The following PKD1L3 variants were observed in gnomAD, a reference collection of about 807,000 sequenced individuals.
PKD1L3 encodes the protein polycystin-1-like protein 3.
Under a neutral mutation model 184.1 loss-of-function variants are expected in PKD1L3, and 239 were observed. The ratio of observed to expected loss-of-function variants is 1.30; its 90% CI spans 1.17 to 1.45. PKD1L3 has a LOEUF of 1.45. PKD1L3 is among the 40% of genes most tolerant of loss of function. The pLI, the probability that PKD1L3 is intolerant of heterozygous loss-of-function variation, is 0.00. For synonymous variants in PKD1L3, 996 were observed against 778.8 expected, an observed-to-expected ratio of 1.28 and a Z score of -4.64; for missense variants, 2,660 against 2,067.2, an observed-to-expected ratio of 1.29 and a Z score of -5.56.
intron 15 of PKD1L3, among the ~76,000 whole-genome samples, chr16:71,966,176 C>A (rs1418408796): frequency 6.6e-6 from 1 of 152,076 alleles, no homozygotes; most frequent in Non-Finnish European, 1.5e-5. Flanking sequence ...AGTGCCTGAG[C>A]CTTAAGACTT....
chr16:71,939,958 A>G (rs1301930925), intron 24 of PKD1L3, among the ~76,000 whole-genome samples: 1 of 152,196 alleles, frequency 6.6e-6, no homozygotes, highest in Non-Finnish European at 1.5e-5. Context: ...ACATTGACTT[A>G]GCAAGTTCAA....
At chr16:71,968,450 C>A (rs1285593674) in intron 13 of PKD1L3, among the ~76,000 whole-genome samples, 1 of 152,154 alleles carries the variant, frequency 6.6e-6, no homozygotes, top group African/African-American at 2.4e-5. Flanking sequence ...CAACCCTACA[C>A]CCAGGGCAAC....
chr16:71,935,375 G>GACACGA lies in PKD1L3; in HGVS notation c.4595_4596insTCGTGT (p.Arg1533_Asp1534insValArg). The GACACGA allele has an allele frequency of 6.4e-7, 1 of 1,551,604 alleles. No homozygotes were observed. The highest frequency in any genetic ancestry group is 1.2e-5 in the South Asian group (1 of 84,006). On this transcript the variant is annotated inframe_insertion, in exon 26 of 30. Coordinates refer to ENST00000620267, the MANE Select transcript of PKD1L3 (RefSeq NM_181536.2). ...CCTCTCACCTGTCCTGGTCATCGCG[G>GACACGA]TATCGTGCCATGTTTTTCTTATGTA... is the stretch of plus-strand genomic sequence containing the variant.
intron 5 of PKD1L3, among the ~76,000 whole-genome samples, chr16:71,985,170 T>C (rs1476357027): frequency 9.2e-5 from 14 of 152,200 alleles, no homozygotes; most frequent in Non-Finnish European, 1.5e-5. Flanking sequence ...TCCTTTTAGA[T>C]ATTCTGTACT....
At position 71,944,125 on chromosome 16, in the gene PKD1L3, G is replaced by A; in HGVS notation, c.3764C>T (p.Pro1255Leu). The A allele has an allele frequency of 1.3e-6, 2 of 1,551,310 alleles. No homozygotes were observed. Among genetic ancestry groups the A allele is most frequent in the South Asian group, 2.4e-5 (2 of 84,040 alleles). ...SVPGSRDKNN[P>L]VYVAPAINSP... ...ATTTATAGCTGGGGCTACATAGACG[G>A]GGTTGTTCTTATCTCTTGAACCTGG... The change falls in exon 23 of 30, where the codon CCC becomes CTC. Residue 1255 changes from proline to leucine, a missense_variant. Pro to Leu is a moderately conservative substitution (Grantham distance 98, BLOSUM62 -3). Coordinates refer to ENST00000620267, the MANE Select transcript of PKD1L3 (RefSeq NM_181536.2).
chr16:71,996,762 A>T (rs1373740358), intron 2 of PKD1L3, among the ~76,000 whole-genome samples: 1 of 152,030 alleles, frequency 6.6e-6, no homozygotes, highest in African/African-American at 2.4e-5. Context: ...GTGTATCAAT[A>T]GTTTGTTTCT....
intron 24 of PKD1L3, among the ~76,000 whole-genome samples, chr16:71,942,198 G>A (rs767248884): frequency 3.3e-5 from 5 of 152,000 alleles, no homozygotes; most frequent in Admixed American, 6.6e-5. Context: ...CAGGCATGGT[G>A]GCGGGCACCT....
chr16:71,974,731 G>A lies in PKD1L3; in HGVS notation c.1760-1214C>T, dbSNP rs548700968. ...AGTACACCTTTGGAATTGGGAAAGGGCCCGTTGGTAATTTCCACAGATTCT... is the reference window on the plus strand; with the variant it reads ...AGTACACCTTTGGAATTGGGAAAGGACCCGTTGGTAATTTCCACAGATTCT... On this transcript the variant is annotated intron_variant, in intron 11 of 29. Coordinates refer to ENST00000620267, the MANE Select transcript of PKD1L3 (RefSeq NM_181536.2). 9.8e-5 allele frequency among the ~76,000 whole-genome samples: 15 copies of A among 152,292 alleles called. No individual in the cohort carries two copies. In the East Asian group the frequency reaches 1.5e-3, roughly 16 times the overall value.
chr16:71,998,428 C>A (rs1200540810), intron 1 of PKD1L3, 34 bp from the exon 2 acceptor site: 1 of 1,525,338 alleles, frequency 6.6e-7, no homozygotes, highest in Non-Finnish European at 8.8e-7. Flanking sequence ...GAGCCTCATA[C>A]TCGAAAGCCA....
intron 23 of PKD1L3, 99 bp downstream of exon 23, chr16:71,943,930 GC>G (rs2038459616): frequency 7.4e-7 from 1 of 1,350,284 alleles, no homozygotes; most frequent in Admixed American, 2.8e-5. Flanking sequence ...TTAAAAGACA[GC>G]TTTTTAACCC....
chr16:71,944,548 T>A (rs1357592371), intron 22 of PKD1L3, among the ~76,000 whole-genome samples: 1 of 152,086 alleles, frequency 6.6e-6, no homozygotes, highest in East Asian at 1.9e-4. Context: ...CCAGGCATAG[T>A]GGCTCATGCC....
At chr16:71,977,032 C>T (rs535127994) in intron 11 of PKD1L3, among the ~76,000 whole-genome samples, 12 of 152,314 alleles carry the variant, frequency 7.9e-5, no homozygotes, top group South Asian at 2.1e-4. Flanking sequence ...CGCAAGCCAC[C>T]GCGCCCGGCC....
At position 71,937,167 on chromosome 16, in the gene PKD1L3, C is replaced by T. The variant is rs973333036; in HGVS notation, c.4452+125G>A. The T allele has an allele frequency of 4.0e-5, 38 of 958,332 alleles. No individual in the cohort carries two copies. In the African/African-American group the frequency reaches 4.5e-4, roughly 11 times the overall value. The allele number at this position is 958,332 out of a possible 1,614,324, so 59.4% of individuals were successfully genotyped here. On this transcript the variant is annotated intron_variant, in intron 25 of 29. Transcript: ENST00000620267. The stretch of plus-strand genomic sequence containing the variant: ...GCCTCCCAGGCTCAAGCAATTCTCA[C>T]ATCTCAGCCTCCCGAGTAGCTGGGA...
rs531269366 is a variant in PKD1L3 at position 71,943,941 on chromosome 16, C to T, written c.3859+89G>A. ...GATTTTAAAAGACAGCTTTTTAACC[C>T]TTCTTTATTTTCCATTTTATTCTCT... On this transcript the variant is annotated intron_variant, in intron 23 of 29. Coordinates refer to ENST00000620267, the MANE Select transcript of PKD1L3 (RefSeq NM_181536.2). 3.6e-6 allele frequency: 5 copies of T among 1,406,126 alleles called. No homozygotes were observed. In the Admixed American group the frequency reaches 8.1e-5, roughly 23 times the overall value. The allele number at this position is 1,406,126 out of a possible 1,614,324, so 87.1% of individuals were successfully genotyped here.
rs1353312476 is a variant in PKD1L3, at chr16:71,984,047, T to C, written c.955A>G (p.Lys319Glu). ...KLTALTPRFSKPAQVNLINSL... is the reference protein window; with the variant it reads ...KLTALTPRFSEPAQVNLINSL... ...CACCCTCCACTTACCTGAGCTGGCT[T>C]AGAAAATCTTGGGGTTAAGGCTGTT... The change falls in exon 6 of 30, where the codon AAG becomes GAG. Residue 319 changes from lysine (K) to glutamate (E), a missense_variant. Physicochemically the swap from Lys to Glu is moderately conservative, Grantham distance 56. Coordinates refer to ENST00000620267, the MANE Select transcript of PKD1L3 (RefSeq NM_181536.2). 1 of 1,552,080 alleles carries C rather than the reference T, an allele frequency of 6.4e-7. No individual in the cohort carries two copies. Among genetic ancestry groups the C allele is most frequent in the East Asian group, 2.4e-5 (1 of 40,930 alleles).
intron 24 of PKD1L3, among the ~76,000 whole-genome samples, chr16:71,940,785 C>A (rs2038334963): frequency 6.7e-6 from 1 of 149,578 alleles, no homozygotes; most frequent in South Asian, 2.1e-4. Flanking sequence ...CAGGTGTGAG[C>A]TACCATGCCC....
At chr16:71,960,944 T>C (rs1205538035) in intron 16 of PKD1L3, among the ~76,000 whole-genome samples, 3 of 151,950 alleles carry the variant, frequency 2.0e-5, no homozygotes, top group East Asian at 1.9e-4. Flanking sequence ...GGAGGGGAAA[T>C]AGTATTCGCT....
chr16:71,970,752 G>A (rs1390993703), intron 12 of PKD1L3, among the ~76,000 whole-genome samples: 4 of 152,142 alleles, frequency 2.6e-5, no homozygotes, highest in Admixed American at 1.3e-4. Flanking sequence ...AGGTTGCAGT[G>A]AGCCCAGATC....
chr16:71,932,047 C>G (rs973511465), intron 28 of PKD1L3, among the ~76,000 whole-genome samples: 2 of 152,178 alleles, frequency 1.3e-5, no homozygotes, highest in African/African-American at 4.8e-5. Flanking sequence ...CCTGACTCTT[C>G]TACTGTATTT....
Sources: gnomAD v4.1 joint callset for allele counts (sites outside exome capture counted in the v4.1 genomes callset) on GRCh38, gnomAD v4.1.1 for gene constraint, MANE v1.5 for transcripts, NCBI Gene and HGNC (gene_info 2026-07-23, HGNC 2026-07-21) for gene names.